Variants in VPS13B observed in about 807,000 individuals in gnomAD.
VPS13B encodes the protein vacuolar protein sorting 13 homolog B, also known as intermembrane lipid transfer protein VPS13B.
Under a neutral mutation model 426.4 loss-of-function variants are expected in VPS13B, and 285 were observed. The ratio of observed to expected loss-of-function variants is 0.67; its 90% CI spans 0.61 to 0.74. The LOEUF is 0.74. Ranked by LOEUF, VPS13B falls within the 30% of genes least tolerant of loss-of-function variation. The probability of loss-of-function intolerance (pLI) is 0.00; values close to 1 mark genes in which losing one functional copy is unlikely to be tolerated. For synonymous variants in VPS13B, 1,676 were observed against 1,676.4 expected (o/e 1.00, Z 0.01); for missense variants, 4,537 against 4,782.6 (o/e 0.95, Z 1.51).
intron 35 of VPS13B, among the ~76,000 whole-genome samples, chr8:99,686,498 A>T (rs1402654858): frequency 6.6e-6 from 1 of 151,952 alleles, no homozygotes; most frequent in Non-Finnish European, 1.5e-5. Context: ...CAGGGCCTGG[A>T]GTCAGAAACC....
chr8:99,025,552 G>A (rs1473282603), intron 2 of VPS13B, among the ~76,000 whole-genome samples: 2 of 152,096 alleles, frequency 1.3e-5, no homozygotes, highest in African/African-American at 4.8e-5. Flanking sequence ...GTTTGGTTTT[G>A]TTATTAGGGT....
intron 35 of VPS13B, 116 bp from the exon 36 acceptor site, chr8:99,699,409 A>G: frequency 1.8e-6 from 2 of 1,110,938 alleles, no homozygotes; most frequent in South Asian, 1.4e-5. Flanking sequence ...CAGGCATCCT[A>G]ATGAGTCCAT....
intron 17 of VPS13B, among the ~76,000 whole-genome samples, chr8:99,224,900 A>G (rs1815928015): frequency 6.6e-6 from 1 of 152,114 alleles, no homozygotes; most frequent in Non-Finnish European, 1.5e-5. Flanking sequence ...AGTTCCTCCC[A>G]AGGTCTCATT....
chr8:99,387,667 G>T (rs1418616552), intron 20 of VPS13B, among the ~76,000 whole-genome samples: 1 of 151,950 alleles, frequency 6.6e-6, no homozygotes, highest in Non-Finnish European at 1.5e-5. Flanking sequence ...AAAATCGAGA[G>T]AATTGCATAG....
At chr8:99,666,574 T>A (rs2129829562) in intron 35 of VPS13B, among the ~76,000 whole-genome samples, 1 of 152,278 alleles carries the variant, frequency 6.6e-6, no homozygotes, top group Admixed American at 6.5e-5. Flanking sequence ...ATTATCTCAA[T>A]AGATGCAGAA....
At chr8:99,212,118 C>T (rs77396510) in intron 17 of VPS13B, among the ~76,000 whole-genome samples, 7,747 of 152,194 alleles carry the variant, frequency 0.051, 214 homozygotes, top group African/African-American at 0.071. Context: ...CTCTTGAACT[C>T]CTGACCTCAA....
chr8:99,832,649 C>G lies in VPS13B; in HGVS notation c.9611C>G (p.Thr3204Ser). ...AATTTCCGGGAAAATGGATTCTGTA[C>G]CAGGTATTTTATGTTTATATAAATG... Reference protein sequence around the residue: ...LGNFRENGFCTRAIVLTYQEH... With the variant: ...LGNFRENGFCSRAIVLTYQEH... The change falls in exon 52 of 62, where the codon ACC (threonine) becomes AGC (serine). Residue 3204 changes from threonine to serine, a missense_variant. Physicochemically the swap from Thr to Ser is moderately conservative, Grantham distance 58. Coordinates refer to ENST00000357162, the MANE Select transcript of VPS13B (RefSeq NM_152564.5). 1 of 1,613,346 alleles carries G rather than the reference C, an allele frequency of 6.2e-7. No homozygotes were observed. Among genetic ancestry groups the G allele is most frequent in the Non-Finnish European group, 8.5e-7 (1 of 1,179,920 alleles).
At chr8:99,470,483 A>G (rs1448144628) in intron 24 of VPS13B, among the ~76,000 whole-genome samples, 1 of 152,208 alleles carries the variant, frequency 6.6e-6, no homozygotes, top group East Asian at 1.9e-4. Context: ...TTAGAACTAA[A>G]AAATACAGTA....
chr8:99,075,000 T>C (rs1219611229), intron 3 of VPS13B, among the ~76,000 whole-genome samples: 2 of 152,118 alleles, frequency 1.3e-5, no homozygotes, highest in Non-Finnish European at 2.9e-5. Flanking sequence ...CCTGGCCTTG[T>C]AGAACGAGTT....
At chr8:99,644,191 C>T (rs1829486852) in intron 34 of VPS13B, among the ~76,000 whole-genome samples, 1 of 152,090 alleles carries the variant, frequency 6.6e-6, no homozygotes, top group Non-Finnish European at 1.5e-5. Context: ...ACTTCAAGCC[C>T]AACCTAAGGA....
intron 33 of VPS13B, among the ~76,000 whole-genome samples, chr8:99,587,882 A>G (rs1034971719): frequency 2.6e-5 from 4 of 151,796 alleles, no homozygotes; most frequent in African/African-American, 9.7e-5. Context: ...TGTTTTAGAC[A>G]TGAAGTCCTT....
At chr8:99,620,724 C>G (rs1399237169) in intron 33 of VPS13B, among the ~76,000 whole-genome samples, 1 of 151,784 alleles carries the variant, frequency 6.6e-6, no homozygotes, top group African/African-American at 2.4e-5. Context: ...GTAATCCCAG[C>G]ACTTTGGGAG....
intron 2 of VPS13B, among the ~76,000 whole-genome samples, chr8:99,018,466 C>G (rs1442919892): frequency 3.3e-5 from 5 of 152,172 alleles, no homozygotes; most frequent in Admixed American, 3.3e-4. Context: ...AGTATGTCGA[C>G]CTATCCAGTG....
At position 99,163,189 on chromosome 8, in the gene VPS13B, AC is replaced by A. The variant is rs1203086335; in HGVS notation, c.2208+6448del. On this transcript the variant is annotated intron_variant, in intron 15 of 61. Coordinates refer to ENST00000357162, the MANE Select transcript of VPS13B (RefSeq NM_152564.5). ...AGACATAAAGGTTCTCCAAGGCCCC[AC>A]CAGAGCAGCTAGATACAGAGTGACG... 9.5e-4 allele frequency among the ~76,000 whole-genome samples: 145 copies of A among 152,300 alleles called. 1 individual carries two copies. Among genetic ancestry groups the A allele is most frequent in the African/African-American group, 3.1e-3 (127 of 41,560 alleles).
intron 19 of VPS13B, among the ~76,000 whole-genome samples, chr8:99,337,686 TA>T (rs1810998758): frequency 6.6e-6 from 1 of 152,160 alleles, no homozygotes; most frequent in African/African-American, 2.4e-5. Flanking sequence ...TTCTTTTTCA[TA>T]ACAATGTTTT....
At chr8:99,070,320 C>G (rs1162081384) in intron 3 of VPS13B, among the ~76,000 whole-genome samples, 2 of 152,128 alleles carry the variant, frequency 1.3e-5, no homozygotes, top group Non-Finnish European at 2.9e-5. Flanking sequence ...TCTATCCAGT[C>G]AGTTAAATAT....
intron 19 of VPS13B, among the ~76,000 whole-genome samples, chr8:99,284,812 T>G (rs377174642): frequency 6.6e-6 from 1 of 152,086 alleles, no homozygotes; most frequent in African/African-American, 2.4e-5. Context: ...CTTTCCACCT[T>G]GGCCTCCCAA....
At chr8:99,874,008 T>C (rs1432420349) in intron 61 of VPS13B, among the ~76,000 whole-genome samples, 1 of 152,260 alleles carries the variant, frequency 6.6e-6, no homozygotes, top group Non-Finnish European at 1.5e-5. Flanking sequence ...ATGCAGTACA[T>C]TTAAATATGG....
chr8:99,330,894 T>G (rs1368825761), intron 19 of VPS13B, among the ~76,000 whole-genome samples: 1 of 151,778 alleles, frequency 6.6e-6, no homozygotes, highest in African/African-American at 2.4e-5. Context: ...TTAAGGCAAT[T>G]TAGGGTTAGT....
Sources: gnomAD v4.1 joint callset for allele counts (sites outside exome capture counted in the v4.1 genomes callset) on GRCh38, gnomAD v4.1.1 for gene constraint, MANE v1.5 for transcripts, NCBI Gene and HGNC (gene_info 2026-07-23, HGNC 2026-07-21) for gene names.